The following GAB2 variants were observed in gnomAD, a reference collection of about 807,000 sequenced individuals.
The protein encoded by GAB2 is GRB2-associated-binding protein 2.
GAB2 carries 26 observed loss-of-function variants against 65.5 expected under a neutral mutation model. The observed-to-expected ratio is 0.40, with a 90% CI of 0.29 to 0.55. The LOEUF is 0.55. Among genes scored for constraint, GAB2 ranks in the 20% least tolerant of loss-of-function variants. The pLI is 0.53. For missense variants in GAB2, 884 were observed against 875.8 expected (o/e 1.01, Z -0.12); for synonymous variants, 321 against 329.6 (o/e 0.97, Z 0.28).
intron 1 of GAB2, among the ~76,000 whole-genome samples, chr11:78,338,035 CA>C (rs1279311240): frequency 6.6e-6 from 1 of 152,174 alleles, no homozygotes; most frequent in African/African-American, 2.4e-5. Context: ...AATACACCAT[CA>C]AATGTCTTAC....
At chr11:78,244,554 G>A (rs1328642460) in intron 3 of GAB2, among the ~76,000 whole-genome samples, 3 of 148,860 alleles carry the variant, frequency 2.0e-5, no homozygotes, top group Non-Finnish European at 4.4e-5. Flanking sequence ...GCATATACAA[G>A]GAACTCAAAC....
chr11:78,366,959 GT>G (rs1305526956), intron 1 of GAB2, among the ~76,000 whole-genome samples: 1 of 151,934 alleles, frequency 6.6e-6, no homozygotes, highest in East Asian at 1.9e-4. Flanking sequence ...CTTCCATTAT[GT>G]GCAAGGTATT....
intron 1 of GAB2, among the ~76,000 whole-genome samples, chr11:78,367,821 CTTTTTTTT>C (rs569887849): frequency 4.3e-5 from 5 of 116,094 alleles, no homozygotes; most frequent in Admixed American, 2.9e-4. Context: ...TTTTCTTTTT[CTTTTTTTT>C]TTTTTTTTTT....
intron 1 of GAB2, among the ~76,000 whole-genome samples, chr11:78,333,107 T>C (rs1000868856): frequency 6.6e-6 from 1 of 152,172 alleles, no homozygotes; most frequent in Non-Finnish European, 1.5e-5. Flanking sequence ...ATCAGTATAC[T>C]CTTGATCCAG....
chr11:78,255,399 T>C (rs1433811352), intron 2 of GAB2, among the ~76,000 whole-genome samples: 4 of 152,226 alleles, frequency 2.6e-5, no homozygotes, highest in African/African-American at 7.2e-5. Context: ...AACCAATATA[T>C]ACCATAAAAC....
At chr11:78,332,863 G>A (rs750603064) in intron 1 of GAB2, among the ~76,000 whole-genome samples, 4 of 152,170 alleles carry the variant, frequency 2.6e-5, no homozygotes, top group African/African-American at 7.2e-5. Context: ...CCTAGAGTCT[G>A]AGCAGAAATT....
intron 8 of GAB2, 54 bp downstream of exon 8, chr11:78,221,623 G>T (rs937683104): frequency 7.4e-6 from 8 of 1,075,456 alleles, no homozygotes; most frequent in Admixed American, 1.9e-5. Flanking sequence ...GAACTGAGGG[G>T]TGGGTCCCAG....
At chr11:78,369,526 T>G (rs1032246707) in intron 1 of GAB2, among the ~76,000 whole-genome samples, 16 of 152,166 alleles carry the variant, frequency 1.1e-4, no homozygotes, top group African/African-American at 3.9e-4. Context: ...ATTAGAAGAG[T>G]CGCCTAAGGG....
intron 5 of GAB2, among the ~76,000 whole-genome samples, chr11:78,224,172 A>G (rs560958386): frequency 1.8e-4 from 27 of 152,324 alleles, no homozygotes; most frequent in African/African-American, 6.3e-4. Flanking sequence ...ATCCTTTGGC[A>G]TCCACTAATA....
intron 1 of GAB2, among the ~76,000 whole-genome samples, chr11:78,371,455 T>G (rs1856570358): frequency 6.6e-6 from 1 of 152,180 alleles, no homozygotes; most frequent in African/African-American, 2.4e-5. Context: ...CTGGCAGACA[T>G]AGTGCTGCCT....
In GAB2 at chr11:78,314,921, T is replaced by C. The variant is rs142216380; in HGVS notation, c.76-34020A>G. ...CACATTAAAGGTAAAGTGAATAAAATGAACGTGGTCTGTAAAGGCAGGGCT... is the reference window on the plus strand; with the variant it reads ...CACATTAAAGGTAAAGTGAATAAAACGAACGTGGTCTGTAAAGGCAGGGCT... On this transcript the variant is annotated intron_variant, in intron 1 of 9. Transcript: ENST00000361507. Among the ~76,000 whole-genome samples the C allele has an allele frequency of 1.7e-3, 257 of 152,286 alleles. 2 individuals are homozygous for C. Among genetic ancestry groups the C allele is most frequent in the African/African-American group, 6.0e-3 (250 of 41,560 alleles).
intron 1 of GAB2, among the ~76,000 whole-genome samples, chr11:78,307,741 A>G (rs929117889): frequency 1.3e-5 from 2 of 152,236 alleles, no homozygotes; most frequent in Non-Finnish European, 2.9e-5. Context: ...ATGATATTCA[A>G]TGGAATAAAG....
rs558548643 is a variant in GAB2 at position 78,375,321 on chromosome 11, G to A, written c.75+42325C>T. ...CTATTCACTTTCATTTTGAAATGGG[G>A]TTTTTTTGTTTGTATTTTTTTTAGT... On this transcript the variant is annotated intron_variant, in intron 1 of 9. Transcript: ENST00000361507. 9.9e-5 allele frequency among the ~76,000 whole-genome samples: 15 copies of A among 152,160 alleles called. No individual in the cohort carries two copies. In the South Asian group the frequency reaches 2.7e-3, roughly 27 times the overall value.
chr11:78,292,994 AG>A (rs1197196052), intron 1 of GAB2, among the ~76,000 whole-genome samples: 1 of 152,240 alleles, frequency 6.6e-6, no homozygotes, highest in African/African-American at 2.4e-5. Flanking sequence ...AAAGAACTTG[AG>A]GTGAAGCTAC....
At chr11:78,365,000 A>G (rs1330442387) in intron 1 of GAB2, among the ~76,000 whole-genome samples, 1 of 152,138 alleles carries the variant, frequency 6.6e-6, no homozygotes, top group Non-Finnish European at 1.5e-5. Flanking sequence ...TTTTATTTCA[A>G]CAGGGTTTTG....
At chr11:78,295,243 C>T (rs1360579045) in intron 1 of GAB2, among the ~76,000 whole-genome samples, 1 of 152,082 alleles carries the variant, frequency 6.6e-6, no homozygotes, top group Non-Finnish European at 1.5e-5. Flanking sequence ...AGGCTGAGGC[C>T]AGATTTAGAT....
intron 2 of GAB2, among the ~76,000 whole-genome samples, chr11:78,251,007 C>T (rs1279109107): frequency 1.3e-5 from 2 of 151,904 alleles, no homozygotes; most frequent in Non-Finnish European, 2.9e-5. Flanking sequence ...GGGTACAATG[C>T]TATTTGGGTG....
Position 78,280,625 on chromosome 11 carries a change from A to C in GAB2, c.352T>G (p.Phe118Val), listed in dbSNP as rs1866308421. The part of the protein sequence containing the change: ...WVQSICQICG[F>V]NQAEESTDSL... ...CCTGTGCTCTCCTCAGCCTGATTGA[A>C]GCCACAGATCTGGCAGATGCTCTGG... The change falls in exon 2 of 10, where the codon TTC (phenylalanine) becomes GTC (valine). Residue 118 changes from phenylalanine (F) to valine (V), a missense_variant. By Grantham distance (50) the Phe-to-Val change is conservative (BLOSUM62 -1). Transcript: ENST00000361507. 6.2e-7 allele frequency: 1 copy of C among 1,614,044 alleles called. No individual in the cohort carries two copies. The highest frequency in any genetic ancestry group is 8.5e-7 in the Non-Finnish European group (1 of 1,179,896).
At chr11:78,401,512 G>GTC (rs1172336653) in intron 1 of GAB2, among the ~76,000 whole-genome samples, 2 of 142,508 alleles carry the variant, frequency 1.4e-5, no homozygotes, top group Non-Finnish European at 3.1e-5. Context: ...ATTCGTGTGT[G>GTC]TGTGTGTGTG....
Sources: gnomAD v4.1 joint callset for allele counts (sites outside exome capture counted in the v4.1 genomes callset) on GRCh38, gnomAD v4.1.1 for gene constraint, MANE v1.5 for transcripts, NCBI Gene and HGNC (gene_info 2026-07-23, HGNC 2026-07-21) for gene names.